Variants in ALDH8A1 observed in about 807,000 individuals in gnomAD.
ALDH8A1 encodes the protein 2-aminomuconic semialdehyde dehydrogenase.
In ALDH8A1, 39 loss-of-function variants were observed where a neutral mutation model predicts 43.3. That is an observed-to-expected ratio of 0.90 (90% confidence interval 0.70 to 1.18). The LOEUF (loss-of-function observed/expected upper bound fraction) is 1.18. ALDH8A1 is among the 50% of genes most tolerant of loss of function. ALDH8A1 has a pLI of 0.00. For synonymous variants in ALDH8A1, 233 were observed against 243.5 expected (o/e 0.96, Z 0.40); for missense variants, 605 against 622.6 (o/e 0.97, Z 0.30).
Position 134,917,679 on chromosome 6 carries a change from A to G in ALDH8A1, c.*736T>C, listed in dbSNP as rs931801379. The G allele has an allele frequency of 2.0e-5, 3 of 152,258 alleles. No individual in the cohort carries two copies. Among genetic ancestry groups the G allele is most frequent in the Non-Finnish European group, 2.9e-5 (2 of 68,060 alleles). The allele number at this position is 152,258 out of a possible 1,614,324, so 9.4% of individuals were successfully genotyped here. On this transcript the variant is annotated 3_prime_UTR_variant, in exon 7 of 7. Transcript: ENST00000265605. Reference sequence around the variant, plus strand: ...AATGAGGTCCAATCAATGATCAATTAGCCATGCTAGTGGCTAATAGACAAG... The same window carrying G: ...AATGAGGTCCAATCAATGATCAATTGGCCATGCTAGTGGCTAATAGACAAG...
chr6:134,936,089 T>G (rs1221461521), intron 4 of ALDH8A1, among the ~76,000 whole-genome samples: 1 of 152,198 alleles, frequency 6.6e-6, no homozygotes, highest in African/African-American at 2.4e-5. Flanking sequence ...GTAGCTGGGA[T>G]TACCGGCACT....
chr6:134,946,797 C>T lies in ALDH8A1; in HGVS notation c.139-2831G>A, dbSNP rs554066756. Among the ~76,000 whole-genome samples the T allele has an allele frequency of 1.1e-4, 16 of 151,014 alleles. 1 individual carries two copies. Among genetic ancestry groups the T allele is most frequent in the African/African-American group, 3.5e-4 (14 of 40,518 alleles). On this transcript the variant is annotated intron_variant, in intron 1 of 6. Transcript: ENST00000265605. ...GCATGTGTGCGCGCGCGCACAGGTGCGCATGTGTGCGTGCACGCACAGGTG... is the reference window on the plus strand; with the variant it reads ...GCATGTGTGCGCGCGCGCACAGGTGTGCATGTGTGCGTGCACGCACAGGTG...
intron 1 of ALDH8A1, among the ~76,000 whole-genome samples, chr6:134,948,256 G>A (rs1773987698): frequency 1.3e-5 from 2 of 152,150 alleles, no homozygotes; most frequent in Non-Finnish European, 2.9e-5. Context: ...GGGAAGGGTA[G>A]AGGAGAGGAT....
At chr6:134,930,838 A>G (rs1562254315) in intron 5 of ALDH8A1, among the ~76,000 whole-genome samples, 2 of 152,226 alleles carry the variant, frequency 1.3e-5, no homozygotes, top group Non-Finnish European at 2.9e-5. Context: ...GATTAAGAAA[A>G]GGACAGTATC....
At chr6:134,934,239 C>A (rs1773689811) in intron 4 of ALDH8A1, among the ~76,000 whole-genome samples, 2 of 152,136 alleles carry the variant, frequency 1.3e-5, no homozygotes, top group Admixed American at 6.6e-5. Context: ...GAGTTCCCAG[C>A]CATTATGGGA....
intron 3 of ALDH8A1, chr6:134,941,258 G>A (rs1773847834): frequency 6.6e-6 from 1 of 152,162 alleles, no homozygotes; most frequent in South Asian, 2.1e-4. Context: ...CCAGGCTGGA[G>A]TGCAGTGGCA....
intron 1 of ALDH8A1, among the ~76,000 whole-genome samples, chr6:134,946,909 G>A (rs934351771): frequency 6.6e-6 from 1 of 152,170 alleles, no homozygotes; most frequent in African/African-American, 2.4e-5. Flanking sequence ...CTTCTAAGTT[G>A]TTACAACTCG....
At chr6:134,945,330 C>T (rs1029780484) in intron 1 of ALDH8A1, among the ~76,000 whole-genome samples, 1 of 152,150 alleles carries the variant, frequency 6.6e-6, no homozygotes, top group African/African-American at 2.4e-5. Flanking sequence ...CCACAGGTTG[C>T]TCTGCCTGCT....
chr6:134,930,264 A>G (rs1776960990), intron 5 of ALDH8A1, among the ~76,000 whole-genome samples: 1 of 152,158 alleles, frequency 6.6e-6, no homozygotes, highest in South Asian at 2.1e-4. Context: ...AGGGAGAGGG[A>G]GGGAAACGAG....
chr6:134,933,384 G>A (rs1773662815), intron 4 of ALDH8A1, among the ~76,000 whole-genome samples: 1 of 152,178 alleles, frequency 6.6e-6, no homozygotes, highest in African/African-American at 2.4e-5. Context: ...CCCACTAGGG[G>A]AGCAGCACCC....
At chr6:134,937,931 C>T (rs775559217) in intron 4 of ALDH8A1, among the ~76,000 whole-genome samples, 5 of 152,188 alleles carry the variant, frequency 3.3e-5, no homozygotes, top group African/African-American at 4.8e-5. Context: ...GGCCTCATTC[C>T]TCTGGAGGAC....
intron 5 of ALDH8A1, among the ~76,000 whole-genome samples, chr6:134,932,365 A>G (rs1269822371): frequency 6.6e-6 from 1 of 152,200 alleles, no homozygotes; most frequent in Admixed American, 6.5e-5. Context: ...GGATGAACGC[A>G]TTTTGAATAC....
At chr6:134,927,517 GCA>G (rs150788087) in intron 6 of ALDH8A1, among the ~76,000 whole-genome samples, 130 of 150,304 alleles carry the variant, frequency 8.6e-4, no homozygotes, top group African/African-American at 2.8e-3. Flanking sequence ...ACGCGTGCAT[GCA>G]CACACACACA....
In ALDH8A1 at chr6:134,918,006, A is replaced by G; in HGVS notation, c.*409T>C. 5.1e-6 allele frequency: 1 copy of G among 194,588 alleles called. No homozygotes were observed. The highest frequency in any genetic ancestry group is 1.1e-5 in the Non-Finnish European group (1 of 94,860). The allele number at this position is 194,588 out of a possible 1,614,324, so 12.1% of individuals were successfully genotyped here. On this transcript the variant is annotated 3_prime_UTR_variant, in exon 7 of 7. Transcript: ENST00000265605. ...TCGAACTCCTGAACTCAAGTGATCC[A>G]CCCACCTTGGCCTCCCAAAGTGCTG... is the stretch of plus-strand genomic sequence containing the variant.
chr6:134,942,675 A>G (rs559651663), intron 2 of ALDH8A1, 111 bp from the exon 3 acceptor site: 243 of 1,101,108 alleles, frequency 2.2e-4, no homozygotes, highest in Non-Finnish European at 2.8e-4. Context: ...GATTCCTTCT[A>G]GCCCGGGGCA....
At chr6:134,939,226 C>A in intron 4 of ALDH8A1, 40 bp downstream of exon 4, 1 of 1,608,278 alleles carries the variant, frequency 6.2e-7, no homozygotes, top group Non-Finnish European at 8.5e-7. Flanking sequence ...TAGGTTTGCT[C>A]CAACTCTGTG....
chr6:134,939,244 C>G lies in ALDH8A1; in HGVS notation c.592+22G>C, dbSNP rs747814023. 3.1e-6 allele frequency: 5 copies of G among 1,611,518 alleles called. No individual in the cohort carries two copies. In the African/African-American group the frequency reaches 6.7e-5, roughly 22 times the overall value. The stretch of plus-strand genomic sequence containing the variant: ...GTTTGCTCCAACTCTGTGCCTGCCC[C>G]CCAACCCCAACACCTAATTACCTGC... On this transcript the variant is annotated intron_variant, in intron 4 of 6. Coordinates refer to ENST00000265605, the MANE Select transcript of ALDH8A1 (RefSeq NM_022568.4).
intron 6 of ALDH8A1, among the ~76,000 whole-genome samples, chr6:134,923,065 G>A (rs764895531): frequency 4.6e-5 from 7 of 152,004 alleles, no homozygotes; most frequent in Non-Finnish European, 8.8e-5. Context: ...TCTCACTGTC[G>A]CCCAGGCTGG....
In ALDH8A1 at chr6:134,932,787, A is replaced by T; in HGVS notation, c.838T>A (p.Phe280Ile). 1 of 1,614,160 alleles carries T rather than the reference A, an allele frequency of 6.2e-7. No individual in the cohort carries two copies. The highest frequency in any genetic ancestry group is 8.5e-7 in the Non-Finnish European group (1 of 1,180,006). Residue 280 changes from phenylalanine to isoleucine, a missense_variant, in exon 5 of 7, where the codon TTT (phenylalanine) becomes ATT (isoleucine). By Grantham distance (21) the Phe-to-Ile change is conservative (BLOSUM62 0). Coordinates refer to ENST00000265605, the MANE Select transcript of ALDH8A1 (RefSeq NM_022568.4). Reference sequence around the variant, plus strand: ...CCCCGGGGACATACCTGGTTGGCAAAGCTGGACCTGACGGTTGCCGGAATG... The same window carrying T: ...CCCCGGGGACATACCTGGTTGGCAATGCTGGACCTGACGGTTGCCGGAATG... ...ECIPATVRSS[F>I]ANQGEICLCT...
Sources: allele counts gnomAD v4.1 joint callset (sites outside exome capture counted in the v4.1 genomes callset), GRCh38; gene constraint gnomAD v4.1.1; transcripts MANE v1.5; gene names NCBI Gene and HGNC (gene_info 2026-07-23, HGNC 2026-07-21).